MYH11: variants seen among roughly 807,000 people sequenced by gnomAD.
MYH11 encodes the protein myosin-11.
A neutral mutation model predicts 246.6 loss-of-function variants in MYH11; 80 were observed. The observed-to-expected ratio is 0.32, with a 90% CI of 0.27 to 0.39. The LOEUF (loss-of-function observed/expected upper bound fraction) is 0.39, where lower values mean the gene tolerates loss of function less well. Ranked by LOEUF, MYH11 falls within the 10% of genes least tolerant of loss-of-function variation. MYH11 has a pLI of 1.00. For synonymous variants in MYH11, 1,071 were observed against 1,015.5 expected (o/e 1.05, Z -1.04); for missense variants, 2,158 against 2,546.8 (o/e 0.85, Z 3.29).
At chr16:15,796,393 C>G (rs1448841920) in intron 4 of MYH11, among the ~76,000 whole-genome samples, 1 of 152,212 alleles carries the variant, frequency 6.6e-6, no homozygotes, top group Non-Finnish European at 1.5e-5. Context: ...TCTCCATAAG[C>G]TCAGCTCAGA....
At chr16:15,819,782 T>G (rs977680615) in intron 3 of MYH11, among the ~76,000 whole-genome samples, 1 of 152,176 alleles carries the variant, frequency 6.6e-6, no homozygotes, top group African/African-American at 2.4e-5. Context: ...AAAAACTGAC[T>G]TCTATGAAAC....
At chr16:15,820,677 G>C (rs1328249174) in intron 3 of MYH11, among the ~76,000 whole-genome samples, 1 of 152,062 alleles carries the variant, frequency 6.6e-6, no homozygotes, top group Non-Finnish European at 1.5e-5. Flanking sequence ...CAGAAGTCAA[G>C]CATGACATGA....
intron 3 of MYH11, among the ~76,000 whole-genome samples, chr16:15,810,915 A>G (rs532912728): frequency 6.6e-6 from 1 of 152,340 alleles, no homozygotes; most frequent in South Asian, 2.1e-4. Context: ...AGTGATTCTG[A>G]ATCGGCAGGA....
At chr16:15,817,217 C>T (rs544009440) in intron 3 of MYH11, among the ~76,000 whole-genome samples, 4 of 152,242 alleles carry the variant, frequency 2.6e-5, no homozygotes, top group South Asian at 2.1e-4. Flanking sequence ...CACGGCCGGG[C>T]GCAGTGGCTC....
At chr16:15,739,285 G>C (rs1233454478) in intron 23 of MYH11, among the ~76,000 whole-genome samples, 1 of 152,080 alleles carries the variant, frequency 6.6e-6, no homozygotes, top group Non-Finnish European at 1.5e-5. Flanking sequence ...ATTTTTAGTA[G>C]AGATGGGGTT....
chr16:15,793,681 G>A (rs1385408549), intron 4 of MYH11, among the ~76,000 whole-genome samples: 2 of 144,490 alleles, frequency 1.4e-5, no homozygotes, highest in African/African-American at 5.2e-5. Context: ...GTGCACTGGC[G>A]TGATCTCAGC....
At chr16:15,818,920 C>A (rs1015580526) in intron 3 of MYH11, among the ~76,000 whole-genome samples, 1 of 152,158 alleles carries the variant, frequency 6.6e-6, no homozygotes, top group Admixed American at 6.5e-5. Context: ...TACTCTGTTG[C>A]CAAGGCTGGA....
intron 1 of MYH11, among the ~76,000 whole-genome samples, chr16:15,838,687 C>T (rs931990194): frequency 6.6e-6 from 1 of 151,856 alleles, no homozygotes; most frequent in Non-Finnish European, 1.5e-5. Context: ...TGGTGAAACC[C>T]CGTCTCTACT....
intron 4 of MYH11, chr16:15,790,945 T>TTTTTC (rs1157085360): frequency 1.3e-5 from 2 of 148,964 alleles, no homozygotes. Context: ...CTCTGCATTT[T>TTTTTC]TTTTCTTTTC....
chr16:15,846,428 A>T (rs2044191364), intron 1 of MYH11, among the ~76,000 whole-genome samples: 1 of 152,220 alleles, frequency 6.6e-6, no homozygotes, highest in Admixed American at 6.5e-5. Flanking sequence ...TAGAACTCAG[A>T]TAAGGAATGA....
intron 7 of MYH11, among the ~76,000 whole-genome samples, chr16:15,776,842 G>A (rs893804082): frequency 6.6e-6 from 1 of 152,192 alleles, no homozygotes; most frequent in African/African-American, 2.4e-5. Flanking sequence ...GAGCAGAGGG[G>A]AGGGCAGGTG....
At chr16:15,833,311 GAAAAAAGAAGA>G (rs2043794447) in intron 2 of MYH11, among the ~76,000 whole-genome samples, 1 of 129,858 alleles carries the variant, frequency 7.7e-6, no homozygotes, top group East Asian at 2.3e-4. Flanking sequence ...GAAAGAAAAA[GAAAAAAGAAGA>G]AAGAAAAAAG....
chr16:15,767,374 C>T (rs886226099), intron 9 of MYH11, among the ~76,000 whole-genome samples: 1 of 152,092 alleles, frequency 6.6e-6, no homozygotes, highest in African/African-American at 2.4e-5. Flanking sequence ...AAGGGCCTGG[C>T]CTAGTAGGTG....
At chr16:15,796,719 A>G (rs2042749997) in intron 4 of MYH11, among the ~76,000 whole-genome samples, 1 of 152,124 alleles carries the variant, frequency 6.6e-6, no homozygotes, top group Non-Finnish European at 1.5e-5. Flanking sequence ...ATAACCACAA[A>G]GGTACTGGGC....
At chr16:15,737,746 C>T in intron 24 of MYH11, 126 bp from the exon 25 acceptor site, 1 of 975,638 alleles carries the variant, frequency 1.0e-6, no homozygotes, top group Non-Finnish European at 1.6e-6. Flanking sequence ...CCATCATAGT[C>T]ACGGTCTGGA....
At chr16:15,810,009 AT>A (rs1465276572) in intron 3 of MYH11, among the ~76,000 whole-genome samples, 2 of 151,530 alleles carry the variant, frequency 1.3e-5, no homozygotes, top group East Asian at 3.9e-4. Context: ...CCCTTTTTCA[AT>A]TTAATATTTA....
At chr16:15,749,878 G>A in intron 16 of MYH11, 1 of 595,628 alleles carries the variant, frequency 1.7e-6, no homozygotes, top group Non-Finnish European at 3.0e-6. Context: ...AGAGCCCAGT[G>A]AATACTTCCT....
intron 31 of MYH11, among the ~76,000 whole-genome samples, chr16:15,722,538 C>G (rs145503391): frequency 5.6e-4 from 86 of 152,344 alleles, no homozygotes; most frequent in African/African-American, 2.0e-3. Context: ...CTGCACTACA[C>G]TCTATGTGAC....
At chr16:15,763,942 A>G in intron 9 of MYH11, 51 bp from the exon 10 acceptor site, 9 of 1,496,256 alleles carry the variant, frequency 6.0e-6, no homozygotes, top group Non-Finnish European at 8.4e-6. Flanking sequence ...ATGCCAAGGT[A>G]CCCTGGAGTT....
Sources: gnomAD v4.1 joint callset for allele counts (sites outside exome capture counted in the v4.1 genomes callset) on GRCh38, gnomAD v4.1.1 for gene constraint, MANE v1.5 for transcripts, NCBI Gene and HGNC (gene_info 2026-07-23, HGNC 2026-07-21) for gene names.